Variants in CRACD observed in about 807,000 individuals in gnomAD.
The protein encoded by CRACD is capping protein-inhibiting regulator of actin dynamics.
In CRACD, 56 loss-of-function variants were observed where a neutral mutation model predicts 106.8. The observed-to-expected ratio is 0.52, with a 90% CI of 0.42 to 0.66. The LOEUF (loss-of-function observed/expected upper bound fraction) is 0.66. CRACD is among the 30% of genes least tolerant of loss of function. The pLI is 0.00. For synonymous variants in CRACD, 754 were observed against 670.8 expected (o/e 1.12, Z -1.92); for missense variants, 1,730 against 1,623.2 (o/e 1.07, Z -1.13).
rs768704441 is a variant in CRACD, at chr4:56,314,786, G to A, written c.1284G>A (p.Glu428=). 1 of 1,598,888 alleles carries A rather than the reference G, an allele frequency of 6.3e-7. No individual in the cohort carries two copies. The highest frequency in any genetic ancestry group is 8.5e-7 in the Non-Finnish European group (1 of 1,174,352). Reference sequence around the variant, plus strand: ...GTGAGCTTCTGAACGACTTTGAGGAGAGGCTCGAAGACCAGGAACGCCTGA... The same window carrying A: ...GTGAGCTTCTGAACGACTTTGAGGAAAGGCTCGAAGACCAGGAACGCCTGA... ...QLSELLNDFE[E]RLEDQERLKP... Residue 428 remains glutamate (E), a synonymous_variant, in exon 8 of 11, where the codon GAG becomes GAA. Coordinates refer to ENST00000682029, the MANE Select transcript of CRACD (RefSeq NM_001393381.1). This position sits in a 1 kb window ranked among gnomAD's most constrained non-coding sequence, Gnocchi z 4.4.
intron 2 of CRACD, among the ~76,000 whole-genome samples, chr4:56,236,828 C>CA (rs1740001655): frequency 6.6e-6 from 1 of 151,438 alleles, no homozygotes; most frequent in Non-Finnish European, 1.5e-5. Flanking sequence ...CAACGTATTA[C>CA]AAATGTTTAT....
chr4:56,234,157 T>C (rs1739814710), intron 2 of CRACD, among the ~76,000 whole-genome samples: 3 of 152,132 alleles, frequency 2.0e-5, no homozygotes, highest in Non-Finnish European at 4.4e-5. Context: ...TGTTTTTTAC[T>C]ATATTCACAG....
chr4:56,209,784 T>C (rs2109489516), intron 2 of CRACD, among the ~76,000 whole-genome samples: 1 of 152,282 alleles, frequency 6.6e-6, no homozygotes, highest in Non-Finnish European at 1.5e-5. Context: ...CACTTTAAGA[T>C]TTAAAATTAC....
intron 2 of CRACD, among the ~76,000 whole-genome samples, chr4:56,228,071 T>C (rs997535768): frequency 2.6e-5 from 4 of 152,154 alleles, no homozygotes; most frequent in African/African-American, 9.7e-5. Flanking sequence ...GCCCCTACCC[T>C]GTCCCTGCCT....
At chr4:56,303,462 G>C (rs1744489260) in intron 4 of CRACD, among the ~76,000 whole-genome samples, 2 of 152,072 alleles carry the variant, frequency 1.3e-5, no homozygotes, top group Admixed American at 6.5e-5. Context: ...TAACAGTCTG[G>C]TTTTCAGTGA....
At chr4:56,268,984 TA>T (rs1160856179) in intron 2 of CRACD, among the ~76,000 whole-genome samples, 2 of 152,244 alleles carry the variant, frequency 1.3e-5, no homozygotes, top group African/African-American at 4.8e-5. Flanking sequence ...TCAAACCCTC[TA>T]TTTTTTGTAA....
intron 2 of CRACD, among the ~76,000 whole-genome samples, chr4:56,221,181 C>T (rs1739010306): frequency 6.6e-6 from 1 of 152,052 alleles, no homozygotes; most frequent in Admixed American, 6.6e-5. Context: ...ATCAGATCCG[C>T]ATTTTAGAAT....
At chr4:56,201,631 A>G (rs1737884251) in intron 2 of CRACD, among the ~76,000 whole-genome samples, 1 of 152,230 alleles carries the variant, frequency 6.6e-6, no homozygotes, top group Non-Finnish European at 1.5e-5. Flanking sequence ...ATACTTGAAA[A>G]GATGCTTGGG....
intron 2 of CRACD, among the ~76,000 whole-genome samples, chr4:56,227,041 G>A (rs1488410574): frequency 1.3e-5 from 2 of 151,924 alleles, no homozygotes; most frequent in African/African-American, 4.8e-5. Flanking sequence ...TACACAGCCT[G>A]CAGATCTGTG....
At chr4:56,214,681 C>CTCTATATATATA in intron 2 of CRACD, among the ~76,000 whole-genome samples, 1,312 of 80,930 alleles carry the variant, frequency 0.016, 46 homozygotes, top group Middle Eastern at 0.028. Context: ...CTCTCTCTCT[C>CTCTATATATATA]TATATATATA....
chr4:56,313,107 GCGCACA>G, intron 6 of CRACD, 84 bp from the exon 7 acceptor site: 1 of 1,174,956 alleles, frequency 8.5e-7, no homozygotes, highest in South Asian at 1.4e-5. Context: ...GCTGGGCGAG[GCGCACA>G]CTGGAACGAG....
intron 1 of CRACD, among the ~76,000 whole-genome samples, chr4:56,108,824 CT>C (rs1214177837): frequency 6.6e-6 from 1 of 152,198 alleles, no homozygotes; most frequent in Non-Finnish European, 1.5e-5. Context: ...GACTTTAAGA[CT>C]TTCACTATTT....
intron 4 of CRACD, chr4:56,301,319 G>A: frequency 9.5e-7 from 1 of 1,057,268 alleles, no homozygotes; most frequent in South Asian, 1.4e-5. Context: ...ACAACGTGAT[G>A]CTGGTATTGA....
chr4:56,162,604 G>A (rs1364369310), intron 1 of CRACD, among the ~76,000 whole-genome samples: 9 of 152,156 alleles, frequency 5.9e-5, no homozygotes, highest in Non-Finnish European at 1.3e-4. Context: ...AAGAGCCAAG[G>A]CTAATACAGA....
rs73817464 is a variant in CRACD at position 56,276,861 on chromosome 4, G to A, written c.-17+4369G>A. On this transcript the variant is annotated intron_variant, in intron 3 of 10. Coordinates refer to ENST00000682029, the MANE Select transcript of CRACD (RefSeq NM_001393381.1). ...GCTTCCAGTTTCTACTGAACACCCA[G>A]TGTTTGTTACATCATGCATAAGTAC... Among the ~76,000 whole-genome samples the A allele has an allele frequency of 1.7e-3, 263 of 152,308 alleles. 3 individuals carry two copies. Among genetic ancestry groups the A allele is most frequent in the African/African-American group, 6.1e-3 (252 of 41,580 alleles).
chr4:56,318,445 C>A (rs1170032417), intron 8 of CRACD, among the ~76,000 whole-genome samples: 1 of 152,196 alleles, frequency 6.6e-6, no homozygotes, highest in Non-Finnish European at 1.5e-5. Flanking sequence ...GTTTGTGGCA[C>A]TGGCTTTCAT....
chr4:56,099,932 A>T lies in CRACD; in HGVS notation c.-336+50633A>T, dbSNP rs566991668. 3.9e-5 allele frequency among the ~76,000 whole-genome samples: 6 copies of T among 152,300 alleles called. No individual in the cohort carries two copies. The South Asian group carries it at 8.3e-4, about 21-fold the overall frequency. ...CCAACAGGATTATTTCTAGAAAATG[A>T]ATGAATTTCTGTTAAAATAAAGACA... On this transcript the variant is annotated intron_variant, in intron 1 of 10. Transcript: ENST00000682029.
chr4:56,300,490 G>C (rs954706538), intron 4 of CRACD, among the ~76,000 whole-genome samples: 63 of 152,318 alleles, frequency 4.1e-4, no homozygotes, highest in African/African-American at 1.4e-3. Context: ...CTTATAGGTT[G>C]AAGAAGAGGG....
At chr4:56,193,609 T>C (rs963248899) in intron 2 of CRACD, among the ~76,000 whole-genome samples, 4 of 152,178 alleles carry the variant, frequency 2.6e-5, no homozygotes, top group Admixed American at 6.5e-5. Context: ...ATAACAAAAG[T>C]ATATTGAGAT....
Sources: allele counts gnomAD v4.1 joint callset (sites outside exome capture counted in the v4.1 genomes callset), GRCh38; gene constraint gnomAD v4.1.1; non-coding constraint Gnocchi (gnomAD v3.1); transcripts MANE v1.5; gene names NCBI Gene and HGNC (gene_info 2026-07-23, HGNC 2026-07-21).